Variants in SDHAF3 observed in about 807,000 individuals in gnomAD.
SDHAF3 encodes the protein succinate dehydrogenase assembly factor 3, mitochondrial.
A neutral mutation model predicts 11.5 loss-of-function variants in SDHAF3; 18 were observed. The observed-to-expected ratio is 1.56, with a 90% confidence interval of 1.08 to 2.32. SDHAF3 has a LOEUF of 2.32. Ranked by LOEUF, SDHAF3 falls within the 30% of genes most tolerant of loss-of-function variation. SDHAF3 has a pLI of 0.00. For synonymous variants in SDHAF3, 72 were observed against 59.3 expected, an observed-to-expected ratio of 1.21 and a Z score of -0.99; for missense variants, 200 against 154.4, an observed-to-expected ratio of 1.30 and a Z score of -1.57.
At chr7:97,157,945 C>T (rs1461163086) in intron 1 of SDHAF3, among the ~76,000 whole-genome samples, 3 of 125,008 alleles carry the variant, frequency 2.4e-5, no homozygotes, top group Non-Finnish European at 4.7e-5. Flanking sequence ...AGGGGAACAT[C>T]ACACACTGGG....
chr7:97,165,896 G>A (rs1363813937), intron 1 of SDHAF3, among the ~76,000 whole-genome samples: 1 of 152,158 alleles, frequency 6.6e-6, no homozygotes, highest in Non-Finnish European at 1.5e-5. Context: ...GGATGTGGGT[G>A]TCTTGGCATG....
intron 1 of SDHAF3, among the ~76,000 whole-genome samples, chr7:97,129,909 TGGTGGGTCTGC>T (rs1175554321): frequency 6.6e-6 from 1 of 152,036 alleles, no homozygotes; most frequent in Non-Finnish European, 1.5e-5. Flanking sequence ...CTGGCTGCTG[TGGTGGGTCTGC>T]GGTGGGATGG....
intron 1 of SDHAF3, among the ~76,000 whole-genome samples, chr7:97,158,362 C>A (rs1789335554): frequency 6.6e-6 from 1 of 152,178 alleles, no homozygotes; most frequent in South Asian, 2.1e-4. Context: ...AAGTCTCACT[C>A]TGTTGCCCAG....
At chr7:97,168,602 T>C (rs1376387287) in intron 1 of SDHAF3, among the ~76,000 whole-genome samples, 1 of 152,186 alleles carries the variant, frequency 6.6e-6, no homozygotes, top group African/African-American at 2.4e-5. Flanking sequence ...TTGGGTTTTA[T>C]AACACCTTAA....
chr7:97,139,050 C>T (rs763879552), intron 1 of SDHAF3, among the ~76,000 whole-genome samples: 4 of 152,336 alleles, frequency 2.6e-5, no homozygotes, highest in South Asian at 2.1e-4. Flanking sequence ...AGCAGTGCCT[C>T]GAGGGCTGGC....
chr7:97,174,753 G>A (rs531101588), intron 1 of SDHAF3, among the ~76,000 whole-genome samples: 34 of 152,250 alleles, frequency 2.2e-4, no homozygotes, highest in South Asian at 1.0e-3. Context: ...CCTAATTATC[G>A]GGAGGTACAT....
intron 1 of SDHAF3, among the ~76,000 whole-genome samples, chr7:97,164,567 G>T (rs1030516477): frequency 6.6e-6 from 1 of 151,332 alleles, no homozygotes; most frequent in Non-Finnish European, 1.5e-5. Context: ...GTAGAGATGG[G>T]TTTCTCCATG....
rs532979151 is a variant in SDHAF3, at chr7:97,140,808, A to G, written c.174+22911A>G. On this transcript the variant is annotated intron_variant, in intron 1 of 1. Transcript: ENST00000432641. ...TAACTGCACAAATTGTTTGTAGAGC[A>G]TGTGTGTTTGAACAATATGAAATCT... is the stretch of plus-strand genomic sequence containing the variant. Among the ~76,000 whole-genome samples, 307 of 152,322 alleles carry G rather than the reference A, an allele frequency of 2.0e-3. 1 individual carries two copies. Among genetic ancestry groups the G allele is most frequent in the African/African-American group, 7.2e-3 (298 of 41,568 alleles).
chr7:97,165,807 G>C (rs560437904), intron 1 of SDHAF3, among the ~76,000 whole-genome samples: 73 of 152,192 alleles, frequency 4.8e-4, no homozygotes, highest in Non-Finnish European at 4.1e-4. Flanking sequence ...TAGCTGGTCA[G>C]TACAGTTTAC....
chr7:97,151,253 G>A (rs756145174), intron 1 of SDHAF3, among the ~76,000 whole-genome samples: 20 of 152,084 alleles, frequency 1.3e-4, no homozygotes, highest in Non-Finnish European at 2.2e-4. Context: ...GCATATACAC[G>A]AGAGTCTCAC....
At chr7:97,136,384 A>G in intron 1 of SDHAF3, 1 of 620,292 alleles carries the variant, frequency 1.6e-6, no homozygotes. Flanking sequence ...TTTGTTTTAA[A>G]TAGGGTATGT....
intron 1 of SDHAF3, among the ~76,000 whole-genome samples, chr7:97,169,096 C>CTGA (rs1350727110): frequency 2.6e-5 from 4 of 152,160 alleles, no homozygotes; most frequent in African/African-American, 4.8e-5. Flanking sequence ...CTTTGGGAGG[C>CTGA]CGACGGATCA....
At chr7:97,156,867 A>T (rs1473216377) in intron 1 of SDHAF3, among the ~76,000 whole-genome samples, 2 of 152,206 alleles carry the variant, frequency 1.3e-5, no homozygotes, top group Non-Finnish European at 2.9e-5. Context: ...ACATGCGCAC[A>T]ACGTGCAGGT....
chr7:97,132,270 G>A (rs1791682125), intron 1 of SDHAF3, among the ~76,000 whole-genome samples: 1 of 152,020 alleles, frequency 6.6e-6, no homozygotes, highest in Non-Finnish European at 1.5e-5. Flanking sequence ...ACTTTTTCAT[G>A]TTTAATAAAT....
chr7:97,126,177 G>C (rs898295277), intron 1 of SDHAF3, among the ~76,000 whole-genome samples: 1 of 152,172 alleles, frequency 6.6e-6, no homozygotes, highest in African/African-American at 2.4e-5. Flanking sequence ...TGGAAGCTTC[G>C]TCCCAGAGGG....
intron 1 of SDHAF3, among the ~76,000 whole-genome samples, chr7:97,158,600 A>T (rs182732102): frequency 6.6e-6 from 1 of 152,314 alleles, no homozygotes; most frequent in African/African-American, 2.4e-5. Flanking sequence ...CTGGGATTAC[A>T]GATGTGAGCC....
intron 1 of SDHAF3, among the ~76,000 whole-genome samples, chr7:97,175,397 T>TA (rs1789665332): frequency 6.6e-6 from 1 of 152,172 alleles, no homozygotes; most frequent in African/African-American, 2.4e-5. Flanking sequence ...ATCCAATAGT[T>TA]ATCTTTTCTG....
At chr7:97,147,668 T>C (rs1047107595) in intron 1 of SDHAF3, among the ~76,000 whole-genome samples, 1 of 152,184 alleles carries the variant, frequency 6.6e-6, no homozygotes, top group East Asian at 1.9e-4. Context: ...TATATTACTC[T>C]TACTGTATAA....
chr7:97,148,035 C>G (rs1446416342), intron 1 of SDHAF3, among the ~76,000 whole-genome samples: 2 of 152,060 alleles, frequency 1.3e-5, no homozygotes, highest in Non-Finnish European at 2.9e-5. Flanking sequence ...TCCCAAGTAG[C>G]TGGGATTACA....
Sources: allele counts gnomAD v4.1 joint callset (sites outside exome capture counted in the v4.1 genomes callset), GRCh38; gene constraint gnomAD v4.1.1; transcripts MANE v1.5; gene names NCBI Gene and HGNC (gene_info 2026-07-23, HGNC 2026-07-21).